RAB11FIP4: variants seen among roughly 807,000 people sequenced by gnomAD.
The protein encoded by RAB11FIP4 is rab11 family-interacting protein 4.
Under a neutral mutation model 74.3 loss-of-function variants are expected in RAB11FIP4, and 23 were observed. The observed-to-expected ratio is 0.31, with a 90% CI of 0.22 to 0.44. The LOEUF (loss-of-function observed/expected upper bound fraction) is 0.44. Among genes scored for constraint, RAB11FIP4 ranks in the 20% least tolerant of loss-of-function variants. The pLI, the probability that RAB11FIP4 is intolerant of heterozygous loss-of-function variation, is 1.00. For synonymous variants in RAB11FIP4, 360 were observed against 359.9 expected, an observed-to-expected ratio of 1.00 and a Z score of 0.00; for missense variants, 630 against 863.9, an observed-to-expected ratio of 0.73 and a Z score of 3.39.
intron 1 of RAB11FIP4, among the ~76,000 whole-genome samples, chr17:31,394,593 T>G (rs2070909302): frequency 6.6e-6 from 1 of 152,214 alleles, no homozygotes. Context: ...AATCTAAGCC[T>G]GTTTCTTGGC....
rs116623512 is a variant in RAB11FIP4 at position 31,495,288 on chromosome 17, A to G, written c.337-22363A>G. Reference sequence around the variant, plus strand: ...ATCCAGCTTGGCTGCCCAGAGGTCTATAGCTCCACTCAGGCGAAGCTGGCT... The same window carrying G: ...ATCCAGCTTGGCTGCCCAGAGGTCTGTAGCTCCACTCAGGCGAAGCTGGCT... On this transcript the variant is annotated intron_variant, in intron 3 of 14. Coordinates refer to ENST00000621161, the MANE Select transcript of RAB11FIP4 (RefSeq NM_032932.6). Among the ~76,000 whole-genome samples the G allele has an allele frequency of 5.3e-3, 807 of 151,164 alleles. 4 individuals carry two copies. The highest frequency in any genetic ancestry group is 0.018 in the African/African-American group (756 of 41,182).
At chr17:31,491,527 A>G (rs58421901) in intron 3 of RAB11FIP4, among the ~76,000 whole-genome samples, 42 of 152,196 alleles carry the variant, frequency 2.8e-4, no homozygotes, top group African/African-American at 9.9e-4. Context: ...GGTGACATCC[A>G]AACGAAAGAG....
rs1194487686 is a variant in RAB11FIP4, at chr17:31,534,921, A to G, written c.*3189A>G. 1 of 154,356 alleles carries G rather than the reference A, an allele frequency of 6.5e-6. No individual in the cohort carries two copies. Among genetic ancestry groups the G allele is most frequent in the East Asian group, 1.9e-4 (1 of 5,186 alleles). 9.6% of individuals were successfully genotyped at this position (154,356 alleles called of 1,614,324 possible). A position where few individuals can be genotyped will look rare whatever the true frequency, so the allele number is the denominator to read the frequency against. On this transcript the variant is annotated 3_prime_UTR_variant, in exon 15 of 15. Coordinates refer to ENST00000621161, the MANE Select transcript of RAB11FIP4 (RefSeq NM_032932.6). ...TGAACCAGGAGTGAGCTTCGTGTAC[A>G]TTATCTATTAGAAAATGAAGTACCT...
intron 2 of RAB11FIP4, among the ~76,000 whole-genome samples, chr17:31,432,366 T>G (rs1189092743): frequency 6.6e-6 from 1 of 151,546 alleles, no homozygotes; most frequent in East Asian, 1.9e-4. Flanking sequence ...CTTTTTTTTT[T>G]TTTTTTTGAG....
rs79781818 is a variant in RAB11FIP4, at chr17:31,404,998, T to A, written c.159+12987T>A. Reference sequence around the variant, plus strand: ...GACCAGGCAGGCTGGAGGCAGGAGGTGGCAGGGCTTGATTTTATCCCAAAG... The same window carrying A: ...GACCAGGCAGGCTGGAGGCAGGAGGAGGCAGGGCTTGATTTTATCCCAAAG... On this transcript the variant is annotated intron_variant, in intron 1 of 14. Transcript: ENST00000621161. Among the ~76,000 whole-genome samples the A allele has an allele frequency of 8.4e-3, 1,268 of 151,512 alleles. 18 individuals carry two copies. Among genetic ancestry groups the A allele is most frequent in the African/African-American group, 0.027 (1,097 of 41,254 alleles).
intron 3 of RAB11FIP4, among the ~76,000 whole-genome samples, chr17:31,514,999 G>GGCCCTGCCCT (rs575434569): frequency 2.4e-4 from 36 of 152,148 alleles, no homozygotes; most frequent in African/African-American, 6.0e-4. Flanking sequence ...CGGGGTGGGG[G>GGCCCTGCCCT]GCCCTGCCCT....
At chr17:31,394,645 T>C (rs1326189278) in intron 1 of RAB11FIP4, among the ~76,000 whole-genome samples, 1 of 152,150 alleles carries the variant, frequency 6.6e-6, no homozygotes, top group Non-Finnish European at 1.5e-5. Context: ...TTCATCACAT[T>C]GTATCTGTCA....
At position 31,533,945 on chromosome 17, in the gene RAB11FIP4, C is replaced by T. The variant is rs1339878555; in HGVS notation, c.*2213C>T. 6.6e-6 allele frequency: 1 copy of T among 152,256 alleles called. No homozygotes were observed. The highest frequency in any genetic ancestry group is 1.5e-5 in the Non-Finnish European group (1 of 68,052). 9.4% of individuals were successfully genotyped at this position (152,256 alleles called of 1,614,324 possible). A position where few individuals can be genotyped will look rare whatever the true frequency, so the allele number is the denominator to read the frequency against. On this transcript the variant is annotated 3_prime_UTR_variant, in exon 15 of 15. Transcript: ENST00000621161. ...CACACACACCTCAAGTCCAACCTTA[C>T]TTTCTTCAGCCAGAATACATTTCTT...
At chr17:31,436,520 C>G (rs1295041727) in intron 3 of RAB11FIP4, among the ~76,000 whole-genome samples, 1 of 152,126 alleles carries the variant, frequency 6.6e-6, no homozygotes, top group Non-Finnish European at 1.5e-5. Flanking sequence ...CCATTCACAC[C>G]TCTGGAAAAG....
At chr17:31,446,636 A>T (rs2071466942) in intron 3 of RAB11FIP4, among the ~76,000 whole-genome samples, 1 of 151,696 alleles carries the variant, frequency 6.6e-6, no homozygotes, top group African/African-American at 2.4e-5. Flanking sequence ...CTCAAGAGAA[A>T]ACTAGAAAAG....
chr17:31,449,632 C>G (rs957620421), intron 3 of RAB11FIP4, among the ~76,000 whole-genome samples: 2 of 152,200 alleles, frequency 1.3e-5, no homozygotes, highest in African/African-American at 4.8e-5. Context: ...GCCTCCAACA[C>G]CTGGGTTCAA....
chr17:31,391,836 G>A lies in RAB11FIP4; in HGVS notation c.-17G>A. 1 of 1,044,448 alleles carries A rather than the reference G, an allele frequency of 9.6e-7. No homozygotes were observed. 64.7% of individuals were successfully genotyped at this position (1,044,448 alleles called of 1,614,324 possible). ...GCGGCGGGCGAGGGGTCCGGGCTGA[G>A]CTGCGGGCCGGCCCGGATGGCGGGC... On this transcript the variant is annotated 5_prime_UTR_variant, in exon 1 of 15. Coordinates refer to ENST00000621161, the MANE Select transcript of RAB11FIP4 (RefSeq NM_032932.6).
At chr17:31,404,089 G>T (rs920946556) in intron 1 of RAB11FIP4, among the ~76,000 whole-genome samples, 10 of 152,204 alleles carry the variant, frequency 6.6e-5, no homozygotes, top group Admixed American at 2.6e-4. Context: ...CAGGAGGTGC[G>T]CATTTCTCTG....
intron 1 of RAB11FIP4, chr17:31,392,677 G>A (rs2070886251): frequency 6.6e-6 from 1 of 152,364 alleles, no homozygotes; most frequent in South Asian, 2.1e-4. Flanking sequence ...ATCTATTTGG[G>A]GAAAGCAGGA....
intron 1 of RAB11FIP4, among the ~76,000 whole-genome samples, chr17:31,406,754 C>T (rs759493171): frequency 4.6e-5 from 7 of 151,994 alleles, no homozygotes; most frequent in Non-Finnish European, 1.0e-4. Context: ...AAAGTCAGTT[C>T]TATATATTTC....
At chr17:31,482,088 G>A (rs2071855506) in intron 3 of RAB11FIP4, among the ~76,000 whole-genome samples, 1 of 152,198 alleles carries the variant, frequency 6.6e-6, no homozygotes, top group African/African-American at 2.4e-5. Flanking sequence ...GTGCTGTCCA[G>A]CTAAAAGCTC....
chr17:31,450,296 C>T (rs1051113522), intron 3 of RAB11FIP4, among the ~76,000 whole-genome samples: 5 of 150,718 alleles, frequency 3.3e-5, no homozygotes, highest in Admixed American at 6.6e-5. Flanking sequence ...CTTTTCTCCC[C>T]GCACACCACC....
At chr17:31,496,251 G>T (rs910998028) in intron 3 of RAB11FIP4, among the ~76,000 whole-genome samples, 1 of 152,120 alleles carries the variant, frequency 6.6e-6, no homozygotes, top group South Asian at 2.1e-4. Context: ...TTTATGGCTC[G>T]CCAGCTGTGT....
intron 3 of RAB11FIP4, among the ~76,000 whole-genome samples, chr17:31,450,309 C>A (rs1207203267): frequency 1.4e-5 from 2 of 146,944 alleles, no homozygotes; most frequent in South Asian, 2.2e-4. Context: ...ACACCACCCC[C>A]CCGCCACCGG....
Sources: gnomAD v4.1 joint callset for allele counts (sites outside exome capture counted in the v4.1 genomes callset) on GRCh38, gnomAD v4.1.1 for gene constraint, MANE v1.5 for transcripts, NCBI Gene and HGNC (gene_info 2026-07-23, HGNC 2026-07-21) for gene names.